Variants in EXOC4 observed in about 807,000 individuals in gnomAD.
EXOC4 encodes the protein SEC8-like 1.
A neutral mutation model predicts 107.2 loss-of-function variants in EXOC4; 71 were observed. The ratio of observed to expected loss-of-function variants is 0.66; its 90% CI spans 0.55 to 0.81. The LOEUF is 0.81. Ranked by LOEUF, EXOC4 falls within the 30% of genes least tolerant of loss-of-function variation. The probability of loss-of-function intolerance (pLI) is 0.00; values close to 1 mark genes in which losing one functional copy is unlikely to be tolerated. For synonymous variants in EXOC4, 456 were observed against 441.2 expected (o/e 1.03, Z -0.42); for missense variants, 1,108 against 1,189.6 (o/e 0.93, Z 1.01).
At chr7:133,742,328 T>G (rs1795582503) in intron 10 of EXOC4, among the ~76,000 whole-genome samples, 1 of 152,162 alleles carries the variant, frequency 6.6e-6, no homozygotes, top group South Asian at 2.1e-4. Context: ...CCTGCTTCAT[T>G]TATTTCTTCT....
At chr7:133,397,596 C>T (rs1199337320) in intron 7 of EXOC4, among the ~76,000 whole-genome samples, 3 of 152,184 alleles carry the variant, frequency 2.0e-5, no homozygotes, top group Non-Finnish European at 4.4e-5. Flanking sequence ...TATTTTGCCT[C>T]TTCCTTATTT....
At chr7:133,826,930 A>C (rs1797717861) in intron 11 of EXOC4, among the ~76,000 whole-genome samples, 1 of 152,280 alleles carries the variant, frequency 6.6e-6, no homozygotes, top group African/African-American at 2.4e-5. Context: ...GCATAACCAA[A>C]CCTGGTCATT....
Position 133,908,831 on chromosome 7 carries a change from GT to G in EXOC4, c.1872-8745del, listed in dbSNP as rs542913583. ...TTCAATAAGAAGACAGTACAAGAAAGTTTTTTTAATTTTTTTATTATCATAC... is the reference window on the plus strand; with the variant it reads ...TTCAATAAGAAGACAGTACAAGAAAGTTTTTTAATTTTTTTATTATCATAC... On this transcript the variant is annotated intron_variant, in intron 12 of 17. Coordinates refer to ENST00000253861, the MANE Select transcript of EXOC4 (RefSeq NM_021807.4). 4.8e-3 allele frequency among the ~76,000 whole-genome samples: 735 copies of G among 152,196 alleles called. 2 individuals are homozygous for G. Among genetic ancestry groups the G allele is most frequent in the Middle Eastern group, 0.017 (5 of 294 alleles).
intron 9 of EXOC4, among the ~76,000 whole-genome samples, chr7:133,537,517 A>G (rs1800296509): frequency 6.6e-6 from 1 of 152,076 alleles, no homozygotes; most frequent in African/African-American, 2.4e-5. Flanking sequence ...CTAAGTCCAC[A>G]CTATCTATGG....
chr7:133,734,890 C>CA (rs1795405307), intron 10 of EXOC4, among the ~76,000 whole-genome samples: 1 of 151,534 alleles, frequency 6.6e-6, no homozygotes. Flanking sequence ...TTTAACAAGT[C>CA]ATGACTCACT....
intron 7 of EXOC4, among the ~76,000 whole-genome samples, chr7:133,383,293 C>G (rs1796659064): frequency 6.6e-6 from 1 of 152,114 alleles, no homozygotes; most frequent in Non-Finnish European, 1.5e-5. Flanking sequence ...CATCTCATTT[C>G]AAAACACAAC....
chr7:133,869,191 C>A (rs1798702861), intron 11 of EXOC4, among the ~76,000 whole-genome samples: 1 of 151,974 alleles, frequency 6.6e-6, no homozygotes, highest in African/African-American at 2.4e-5. Flanking sequence ...GTGTATGCAT[C>A]TTTTCTGTCC....
intron 9 of EXOC4, among the ~76,000 whole-genome samples, chr7:133,495,473 C>T (rs1400057140): frequency 3.9e-5 from 6 of 152,108 alleles, no homozygotes; most frequent in African/African-American, 1.4e-4. Flanking sequence ...TATGTATTCC[C>T]ATATAACTAC....
In EXOC4 at chr7:133,838,828, A is replaced by G. The variant is rs1797969453; in HGVS notation, c.1734+21284A>G. On this transcript the variant is annotated intron_variant, in intron 11 of 17. Transcript: ENST00000253861. ...TAGTATAAGAGCAATCATAGATAAT[A>G]TGTAAATGAATGAGCATGGCTGCAT... Among the ~76,000 whole-genome samples the G allele has an allele frequency of 5.9e-5, 9 of 152,352 alleles. No individual in the cohort carries two copies. The South Asian group carries it at 1.9e-3, about 32-fold the overall frequency.
intron 7 of EXOC4, among the ~76,000 whole-genome samples, chr7:133,375,293 T>C (rs1027918888): frequency 6.6e-6 from 1 of 152,152 alleles, no homozygotes; most frequent in Non-Finnish European, 1.5e-5. Flanking sequence ...CTGGCCAACA[T>C]GGTGAAACCT....
rs142984239 is a variant in EXOC4 at position 133,809,185 on chromosome 7, A to T, written c.1515-8140A>T. On this transcript the variant is annotated intron_variant, in intron 10 of 17. Coordinates refer to ENST00000253861, the MANE Select transcript of EXOC4 (RefSeq NM_021807.4). Reference sequence around the variant, plus strand: ...TCAAAATCAAAGGTACAGAATTCTGATGCAGATCTGTGGCTTTTGTAGCAC... The same window carrying T: ...TCAAAATCAAAGGTACAGAATTCTGTTGCAGATCTGTGGCTTTTGTAGCAC... Among the ~76,000 whole-genome samples the T allele has an allele frequency of 3.3e-5, 5 of 152,328 alleles. No homozygotes were observed. The East Asian group carries it at 7.7e-4, about 23-fold the overall frequency.
chr7:134,075,521 G>A, the EXOC4 span, among the ~76,000 whole-genome samples: 1 of 152,152 alleles, frequency 6.6e-6, no homozygotes, highest in African/African-American at 2.4e-5. Context: ...CAAGTGAAAG[G>A]GGAAACCCCT....
chr7:133,351,436 C>T (rs1375729075), intron 5 of EXOC4, among the ~76,000 whole-genome samples: 2 of 151,812 alleles, frequency 1.3e-5, no homozygotes, highest in Non-Finnish European at 2.9e-5. Flanking sequence ...TTTATGTTTC[C>T]AGGAAATTGT....
intron 14 of EXOC4, among the ~76,000 whole-genome samples, chr7:133,964,084 A>T (rs992812789): frequency 6.6e-6 from 1 of 152,156 alleles, no homozygotes; most frequent in African/African-American, 2.4e-5. Context: ...AAATCTGCAA[A>T]GCTAGTATGA....
intron 4 of EXOC4, among the ~76,000 whole-genome samples, chr7:133,307,749 G>T (rs1440399155): frequency 1.3e-5 from 2 of 152,148 alleles, no homozygotes; most frequent in Admixed American, 1.3e-4. Flanking sequence ...GGCTTCAAAC[G>T]TGCTTATGCT....
intron 10 of EXOC4, among the ~76,000 whole-genome samples, chr7:133,660,101 C>A (rs1407423916): frequency 6.6e-6 from 1 of 152,044 alleles, no homozygotes; most frequent in East Asian, 1.9e-4. Context: ...TGCCCTGGAG[C>A]AGTACATTTA....
At chr7:133,802,829 C>T (rs957231687) in intron 10 of EXOC4, among the ~76,000 whole-genome samples, 3 of 116,672 alleles carry the variant, frequency 2.6e-5, no homozygotes, top group Middle Eastern at 7.7e-3. Flanking sequence ...GCCTGGGCGA[C>T]GAGCGAAACT....
chr7:133,688,075 G>A, intron 10 of EXOC4, among the ~76,000 whole-genome samples: 1 of 152,102 alleles, frequency 6.6e-6, no homozygotes. Context: ...CACTTTCCAT[G>A]CCATTGAACT....
chr7:133,784,539 T>A (rs1796530949), intron 10 of EXOC4, among the ~76,000 whole-genome samples: 1 of 152,180 alleles, frequency 6.6e-6, no homozygotes, highest in African/African-American at 2.4e-5. Flanking sequence ...GTGAGCTCCA[T>A]CAGGGAGCTG....
Sources: gnomAD v4.1 joint callset for allele counts (sites outside exome capture counted in the v4.1 genomes callset) on GRCh38, gnomAD v4.1.1 for gene constraint, MANE v1.5 for transcripts, NCBI Gene and HGNC (gene_info 2026-07-23, HGNC 2026-07-21) for gene names.